Variants in ARHGEF6 observed in about 807,000 individuals in gnomAD.
ARHGEF6 encodes Rac/Cdc42 guanine nucleotide exchange factor 6.
A neutral mutation model predicts 70.3 loss-of-function variants in ARHGEF6; 9 were observed. That is an observed-to-expected ratio of 0.13 (90% CI 0.08 to 0.22). The LOEUF is 0.22. ARHGEF6 is among the 10% of genes least tolerant of loss of function. The pLI is 1.00. For synonymous variants in ARHGEF6, 201 were observed against 207.8 expected (o/e 0.97, Z 0.28); for missense variants, 470 against 563.0 (o/e 0.83, Z 1.67).
chrX:136,732,712 G>A (rs1459342344), intron 5 of ARHGEF6, among the ~76,000 whole-genome samples: 4 of 111,767 alleles, frequency 3.6e-5, no homozygotes. Flanking sequence ...CCAACTGTAG[G>A]CTACTGTAAG....
chrX:136,676,770 G>A, intron 17 of ARHGEF6, 53 bp from the exon 18 acceptor site: 1 of 870,943 alleles, frequency 1.1e-6, no homozygotes, highest in Middle Eastern at 2.8e-4. Flanking sequence ...AAAAACAAAA[G>A]TAAAAGCATG....
At chrX:136,763,401 C>G (rs777273274) in intron 2 of ARHGEF6, among the ~76,000 whole-genome samples, 84 of 112,237 alleles carry the variant, frequency 7.5e-4, no homozygotes, top group African/African-American at 2.6e-3. Flanking sequence ...ATTCTTAGTG[C>G]AAAGATGGGA....
At chrX:136,748,031 C>T (rs1042619765) in intron 2 of ARHGEF6, among the ~76,000 whole-genome samples, 1 of 111,936 alleles carries the variant, frequency 8.9e-6, no homozygotes, top group African/African-American at 3.2e-5. Flanking sequence ...TGCATCTGTA[C>T]AGTTTATTAG....
intron 4 of ARHGEF6, among the ~76,000 whole-genome samples, 166 bp from the exon 5 acceptor site, chrX:136,743,952 T>C (rs969946258): frequency 2.7e-5 from 3 of 112,053 alleles, no homozygotes; most frequent in African/African-American, 9.7e-5. Context: ...CTCAGAGGGA[T>C]TAATAAATCC....
intron 2 of ARHGEF6, among the ~76,000 whole-genome samples, chrX:136,750,985 T>G (rs2077144725): frequency 9.1e-6 from 1 of 109,887 alleles, no homozygotes; most frequent in Non-Finnish European, 1.9e-5. Context: ...GTTTGTTTGT[T>G]TGTTTGTTTT....
At chrX:136,704,371 T>C (rs1379686214) in intron 9 of ARHGEF6, among the ~76,000 whole-genome samples, 1 of 112,379 alleles carries the variant, frequency 8.9e-6, no homozygotes, top group Non-Finnish European at 1.9e-5. Context: ...AAAATACACA[T>C]AACCCAATTT....
intron 9 of ARHGEF6, among the ~76,000 whole-genome samples, chrX:136,693,023 C>A (rs774749795): frequency 4.5e-5 from 5 of 111,998 alleles, no homozygotes; most frequent in Non-Finnish European, 9.4e-5. Flanking sequence ...GTTTGGAGTG[C>A]ATTTGAGTAG....
intron 5 of ARHGEF6, among the ~76,000 whole-genome samples, chrX:136,741,553 G>A (rs1471396923): frequency 9.5e-6 from 1 of 105,747 alleles, no homozygotes; most frequent in South Asian, 4.2e-4. Flanking sequence ...GTGTGTGTGT[G>A]TTTTATTTAT....
intron 9 of ARHGEF6, among the ~76,000 whole-genome samples, chrX:136,700,516 C>CA (rs1006185423): frequency 1.5e-4 from 15 of 99,367 alleles, no homozygotes; most frequent in African/African-American, 4.5e-4. Flanking sequence ...GACAGTGAGA[C>CA]AAAAAAAAAG....
intron 9 of ARHGEF6, among the ~76,000 whole-genome samples, chrX:136,702,454 G>C (rs980620358): frequency 8.9e-6 from 1 of 112,220 alleles, no homozygotes; most frequent in African/African-American, 3.2e-5. Context: ...GAGACTGTCA[G>C]AGTGGATTAA....
chrX:136,675,693 A>AT (rs1440937083), intron 18 of ARHGEF6, among the ~76,000 whole-genome samples: 5 of 107,262 alleles, frequency 4.7e-5, no homozygotes, highest in Non-Finnish European at 7.7e-5. Context: ...TTTTTTTTGT[A>AT]TTTTTTTTAG....
chrX:136,751,115 G>A (rs2077146350), intron 2 of ARHGEF6, among the ~76,000 whole-genome samples: 1 of 111,679 alleles, frequency 9.0e-6, no homozygotes, highest in African/African-American at 3.3e-5. Context: ...GGGATTACAG[G>A]CGTGAGCCAC....
chrX:136,698,658 C>T (rs2076536255), intron 9 of ARHGEF6, among the ~76,000 whole-genome samples: 1 of 112,094 alleles, frequency 8.9e-6, no homozygotes, highest in South Asian at 3.7e-4. Context: ...TGTATTCATC[C>T]AAACTATCTT....
intron 2 of ARHGEF6, among the ~76,000 whole-genome samples, chrX:136,766,727 A>T (rs1183763017): frequency 8.9e-6 from 1 of 112,605 alleles, no homozygotes; most frequent in Non-Finnish European, 1.9e-5. Flanking sequence ...TCCATCTACA[A>T]ACCATTCCTG....
intron 10 of ARHGEF6, among the ~76,000 whole-genome samples, chrX:136,689,416 G>T (rs2076436074): frequency 8.9e-6 from 1 of 112,229 alleles, no homozygotes; most frequent in Non-Finnish European, 1.9e-5. Flanking sequence ...GTGCATATTT[G>T]CATTTCAACA....
At chrX:136,759,556 A>C (rs1181723211) in intron 2 of ARHGEF6, among the ~76,000 whole-genome samples, 1 of 108,827 alleles carries the variant, frequency 9.2e-6, no homozygotes, top group Non-Finnish European at 1.9e-5. Flanking sequence ...CTTGAACCAA[A>C]GAGGCGGAGG....
chrX:136,691,777 T>C (rs1329358176), intron 9 of ARHGEF6, among the ~76,000 whole-genome samples: 2 of 111,398 alleles, frequency 1.8e-5, no homozygotes, highest in Non-Finnish European at 3.8e-5. Flanking sequence ...TTTTTCCAGG[T>C]CCTACAGACT....
At chrX:136,767,155 G>A (rs1367129137) in intron 2 of ARHGEF6, 5 of 753,586 alleles carry the variant, frequency 6.6e-6, no homozygotes, top group Non-Finnish European at 7.8e-6. Context: ...TGGCTCGGCC[G>A]CTGCCCGCCT....
At chrX:136,735,620 G>A (rs372954402) in intron 5 of ARHGEF6, among the ~76,000 whole-genome samples, 1 of 111,852 alleles carries the variant, frequency 8.9e-6, no homozygotes, top group Non-Finnish European at 1.9e-5. Context: ...TGGATTGTTC[G>A]TATAATATAA....
Sources: gnomAD v4.1 joint callset for allele counts (sites outside exome capture counted in the v4.1 genomes callset) on GRCh38, gnomAD v4.1.1 for gene constraint, MANE v1.5 for transcripts, NCBI Gene and HGNC (gene_info 2026-07-23, HGNC 2026-07-21) for gene names.